Variants in ADSS2 observed in about 807,000 individuals in gnomAD.
ADSS2 encodes the protein adenylosuccinate synthetase isozyme 2.
A neutral mutation model predicts 60.0 loss-of-function variants in ADSS2; 30 were observed. That is an observed-to-expected ratio of 0.50 (90% CI 0.37 to 0.68). The LOEUF is 0.68. ADSS2 is among the 30% of genes least tolerant of loss of function. The pLI is 0.00. For missense variants in ADSS2, 373 were observed against 554.8 expected (o/e 0.67, Z 3.29); for synonymous variants, 187 against 193.1 (o/e 0.97, Z 0.26).
intron 3 of ADSS2, among the ~76,000 whole-genome samples, chr1:244,436,497 A>C (rs1485908292): frequency 1.3e-5 from 2 of 152,230 alleles, no homozygotes; most frequent in African/African-American, 4.8e-5. Flanking sequence ...AGAGCTCCAG[A>C]TCCTCTAGAA....
At chr1:244,441,061 T>C (rs1011278269) in intron 1 of ADSS2, among the ~76,000 whole-genome samples, 14 of 117,464 alleles carry the variant, frequency 1.2e-4, no homozygotes, top group Non-Finnish European at 2.2e-4. Flanking sequence ...TAACTTAGTC[T>C]TTTTTTTTTT....
At position 244,409,064 on chromosome 1, in the gene ADSS2, G is replaced by A. The variant is rs188643354; in HGVS notation, c.*522C>T. ...GCATGGTTTCAGCAGAAAATAGACA[G>A]CCCAAAATTTAAACAGAATTCATAG... On this transcript the variant is annotated 3_prime_UTR_variant, in exon 13 of 13. Transcript: ENST00000366535. The A allele has an allele frequency of 6.6e-6, 1 of 152,542 alleles. No individual in the cohort carries two copies. The highest frequency in any genetic ancestry group is 1.5e-5 in the Non-Finnish European group (1 of 68,064). 9.4% of individuals were successfully genotyped at this position (152,542 alleles called of 1,614,324 possible). A position where few individuals can be genotyped will look rare whatever the true frequency, so the allele number is the denominator to read the frequency against.
At chr1:244,418,520 C>T (rs1664588351) in intron 9 of ADSS2, among the ~76,000 whole-genome samples, 1 of 152,054 alleles carries the variant, frequency 6.6e-6, no homozygotes. Flanking sequence ...AGGGTTTCAA[C>T]ATGTTGCCCC....
chr1:244,418,899 A>G lies in ADSS2; in HGVS notation c.806T>C (p.Val269Ala). 6.2e-7 allele frequency: 1 copy of G among 1,607,068 alleles called. No homozygotes were observed. The highest frequency in any genetic ancestry group is 8.5e-7 in the Non-Finnish European group (1 of 1,177,594). ...TCCAACAGTACAATTTGAAGAGGTT[A>G]CAAAAGGGTAAGTCCCTAAAAACAG... Reference protein sequence around the residue: ...LDIDFGTYPFVTSSNCTVGGV... With the variant: ...LDIDFGTYPFATSSNCTVGGV... The change falls in exon 9 of 13, where the codon GTA (valine) becomes GCA (alanine). Residue 269 changes from valine (V) to alanine (A), a missense_variant. Coordinates refer to ENST00000366535, the MANE Select transcript of ADSS2 (RefSeq NM_001126.5).
In ADSS2 at chr1:244,418,833, C is replaced by T. The variant is rs575208382; in HGVS notation, c.872G>A (p.Gly291Glu). ...AGCTTTCACAACTCCATACACTTCT[C>T]CAACATTTTGAGGTGGCATACCCAA... ...TGLGMPPQNV[G>E]EVYGVVKAYT... Residue 291 changes from glycine (G) to glutamate (E), a missense_variant, in exon 9 of 13, where the codon GGA becomes GAA. Gly to Glu is a moderately conservative substitution (Grantham distance 98). Around this residue, in one of 5 missense-constraint regions of ADSS2, gnomAD observed 28 missense variants for 74.4 expected, o/e 0.38. Coordinates refer to ENST00000366535, the MANE Select transcript of ADSS2 (RefSeq NM_001126.5). 1 of 1,614,060 alleles carries T rather than the reference C, an allele frequency of 6.2e-7. No homozygotes were observed. Among genetic ancestry groups the T allele is most frequent in the East Asian group, 2.2e-5 (1 of 44,858 alleles).
intron 12 of ADSS2, 73 bp downstream of exon 12, chr1:244,411,214 G>A (rs141669799): frequency 0.041 from 56,474 of 1,389,176 alleles, 1,287 homozygotes; most frequent in Middle Eastern, 0.054. Context: ...GCGAGACTCC[G>A]TCTCAAAAAA....
At position 244,415,970 on chromosome 1, in the gene ADSS2, A is replaced by G; in HGVS notation, c.1168+11T>C. 6.3e-7 allele frequency: 1 copy of G among 1,584,536 alleles called. No homozygotes were observed. The highest frequency in any genetic ancestry group is 8.7e-7 in the Non-Finnish European group (1 of 1,154,868). The stretch of plus-strand genomic sequence containing the variant: ...TATAATATCCTTTAGATATTGCCTA[A>G]AAGAAAATACCTGGGATATGAGGTA... On this transcript the variant is annotated intron_variant, in intron 11 of 12. Coordinates refer to ENST00000366535, the MANE Select transcript of ADSS2 (RefSeq NM_001126.5).
At chr1:244,442,828 T>C (rs773686616) in intron 1 of ADSS2, among the ~76,000 whole-genome samples, 35 of 152,184 alleles carry the variant, frequency 2.3e-4, no homozygotes, top group Admixed American at 5.2e-4. Context: ...ATTATGTAAA[T>C]AGGCAAAATT....
At chr1:244,418,717 G>T (rs1333504562) in intron 9 of ADSS2, 43 bp downstream of exon 9, 3 of 1,515,578 alleles carry the variant, frequency 2.0e-6, no homozygotes, top group Non-Finnish European at 2.7e-6. Flanking sequence ...AAAGAAGAAT[G>T]AATTTTTAAT....
At chr1:244,443,476 CA>C (rs1346614560) in intron 1 of ADSS2, among the ~76,000 whole-genome samples, 1 of 152,190 alleles carries the variant, frequency 6.6e-6, no homozygotes, top group Non-Finnish European at 1.5e-5. Flanking sequence ...GTTTCTGGAT[CA>C]ATTATATCCA....
intron 1 of ADSS2, among the ~76,000 whole-genome samples, chr1:244,438,788 T>C (rs1665163385): frequency 6.6e-6 from 1 of 152,206 alleles, no homozygotes; most frequent in Non-Finnish European, 1.5e-5. Flanking sequence ...CACGTAGTAT[T>C]ACATACATTT....
At chr1:244,418,092 A>G (rs1211109046) in intron 9 of ADSS2, among the ~76,000 whole-genome samples, 1 of 152,204 alleles carries the variant, frequency 6.6e-6, no homozygotes, top group Non-Finnish European at 1.5e-5. Context: ...CTTTTCCTGA[A>G]AACCATAAGG....
intron 12 of ADSS2, among the ~76,000 whole-genome samples, chr1:244,410,630 C>T (rs6685577): frequency 0.066 from 10,004 of 151,878 alleles, 780 homozygotes; most frequent in East Asian, 0.42. Flanking sequence ...ATTTTTAACC[C>T]CCCAAAAACA....
At chr1:244,447,370 T>G (rs775765515) in intron 1 of ADSS2, among the ~76,000 whole-genome samples, 2 of 152,104 alleles carry the variant, frequency 1.3e-5, no homozygotes, top group Non-Finnish European at 2.9e-5. Context: ...ACCCATCCAT[T>G]CCCACCAAAG....
chr1:244,420,739 C>T (rs1558270908), intron 7 of ADSS2, among the ~76,000 whole-genome samples: 1 of 152,134 alleles, frequency 6.6e-6, no homozygotes. Context: ...CAGAGCCTTG[C>T]TCTGTCACCC....
chr1:244,426,046 A>G (rs1426626300), intron 4 of ADSS2, among the ~76,000 whole-genome samples: 1 of 152,148 alleles, frequency 6.6e-6, no homozygotes, highest in East Asian at 1.9e-4. Flanking sequence ...TCTTTATGTA[A>G]ACAATAATTC....
At chr1:244,410,916 C>T (rs1664396945) in intron 12 of ADSS2, among the ~76,000 whole-genome samples, 1 of 152,072 alleles carries the variant, frequency 6.6e-6, no homozygotes, top group East Asian at 1.9e-4. Context: ...TTCAAAGGCA[C>T]ATAGGCAAGT....
At chr1:244,423,687 C>T (rs150166816) in intron 6 of ADSS2, among the ~76,000 whole-genome samples, 63 of 152,182 alleles carry the variant, frequency 4.1e-4, no homozygotes, top group African/African-American at 1.5e-3. Flanking sequence ...CTCAGGAAAC[C>T]ATTCCATATT....
Position 244,436,902 on chromosome 1 carries a change from A to AAACC in ADSS2, c.287-13_287-10dup. 1 of 1,609,660 alleles carries AAACC rather than the reference A, an allele frequency of 6.2e-7. No homozygotes were observed. Among genetic ancestry groups the AAACC allele is most frequent in the Non-Finnish European group, 8.5e-7 (1 of 1,177,382 alleles). On this transcript the variant is annotated splice_polypyrimidine_tract_variant and intron_variant, in intron 2 of 12. Transcript: ENST00000366535. ...AATTACCACACCATTTCCTAAAGGA[A>AAACC]AACCAACAAATCCCAACGGTAAACA...
Sources: allele counts gnomAD v4.1 joint callset (sites outside exome capture counted in the v4.1 genomes callset), GRCh38; gene constraint gnomAD v4.1.1; regional missense constraint gnomAD v4.1.1; transcripts MANE v1.5; gene names NCBI Gene and HGNC (gene_info 2026-07-23, HGNC 2026-07-21).